The following KCNK5 variants were observed in gnomAD, a reference collection of about 807,000 sequenced individuals.
KCNK5 encodes the protein potassium channel subfamily K member 5.
A neutral mutation model predicts 32.9 loss-of-function variants in KCNK5; 18 were observed. That is an observed-to-expected ratio of 0.55 (90% CI 0.38 to 0.81). The LOEUF is 0.81. KCNK5 is among the 30% of genes least tolerant of loss of function. The pLI, the probability that KCNK5 is intolerant of heterozygous loss-of-function variation, is 0.00. For synonymous variants in KCNK5, 276 were observed against 275.3 expected (o/e 1.00, Z -0.03); for missense variants, 507 against 651.0 (o/e 0.78, Z 2.41).
rs939139362 is a variant in KCNK5 at position 39,190,721 on chromosome 6, G to A, written c.*169C>T. ...AGCTGGAGAACAGAGGCCCTGTCCC[G>A]GGCATACATCTAGCTGAGGATGATG... On this transcript the variant is annotated 3_prime_UTR_variant, in exon 5 of 5. Coordinates refer to ENST00000359534, the MANE Select transcript of KCNK5 (RefSeq NM_003740.4). 8.5e-6 allele frequency: 5 copies of A among 589,382 alleles called. No individual in the cohort carries two copies. The highest frequency in any genetic ancestry group is 3.0e-5 in the East Asian group (1 of 33,516). The allele number at this position is 589,382 out of a possible 1,614,324, so 36.5% of individuals were successfully genotyped here. A position where few individuals can be genotyped will look rare whatever the true frequency, so the allele number is the denominator to read the frequency against.
chr6:39,220,350 G>T (rs1771522931), intron 1 of KCNK5, among the ~76,000 whole-genome samples: 1 of 152,214 alleles, frequency 6.6e-6, no homozygotes. Context: ...TATTTAGATG[G>T]AGGAGAGGAA....
intron 2 of KCNK5, among the ~76,000 whole-genome samples, chr6:39,195,520 A>G (rs916004969): frequency 6.6e-6 from 1 of 152,238 alleles, no homozygotes; most frequent in African/African-American, 2.4e-5. Context: ...TTCTGAGCCA[A>G]ACTTCTGGAC....
chr6:39,203,764 C>A (rs1771172394), intron 1 of KCNK5, among the ~76,000 whole-genome samples: 1 of 152,254 alleles, frequency 6.6e-6, no homozygotes, highest in Non-Finnish European at 1.5e-5. Context: ...TTCTGTTGAC[C>A]TGGCACAACT....
chr6:39,194,450 T>C lies in KCNK5; in HGVS notation c.466-113A>G. ...GGAGAAGCTAGCTGGGTACCCAGCC[T>C]GACCCGGGAGGGCAAGGAGCTCTGA... On this transcript the variant is annotated intron_variant, in intron 3 of 4. Coordinates refer to ENST00000359534, the MANE Select transcript of KCNK5 (RefSeq NM_003740.4). This position sits in a 1 kb window ranked among gnomAD's most constrained non-coding sequence, Gnocchi z 4.7. 1 of 1,445,776 alleles carries C rather than the reference T, an allele frequency of 6.9e-7. No individual in the cohort carries two copies. Among genetic ancestry groups the C allele is most frequent in the South Asian group, 1.3e-5 (1 of 74,254 alleles). The allele number at this position is 1,445,776 out of a possible 1,614,324, so 89.6% of individuals were successfully genotyped here. A position where few individuals can be genotyped will look rare whatever the true frequency, so the allele number is the denominator to read the frequency against.
At chr6:39,223,284 T>C (rs1562059170) in intron 1 of KCNK5, among the ~76,000 whole-genome samples, 1 of 152,216 alleles carries the variant, frequency 6.6e-6, no homozygotes, top group East Asian at 1.9e-4. Context: ...TACTGCTTGG[T>C]TGGTGATTCC....
intron 1 of KCNK5, among the ~76,000 whole-genome samples, chr6:39,227,118 C>CG (rs1418965773): frequency 6.6e-6 from 1 of 151,806 alleles, no homozygotes; most frequent in Non-Finnish European, 1.5e-5. Context: ...CCGCCCCCCC[C>CG]GCCGTATGCC....
intron 1 of KCNK5, among the ~76,000 whole-genome samples, chr6:39,210,125 T>C (rs1771305818): frequency 6.6e-6 from 1 of 152,174 alleles, no homozygotes. Flanking sequence ...CTCACACAGC[T>C]GCATCCTGTC....
At chr6:39,205,434 A>G (rs1370420614) in intron 1 of KCNK5, among the ~76,000 whole-genome samples, 2 of 152,152 alleles carry the variant, frequency 1.3e-5, no homozygotes, top group Non-Finnish European at 2.9e-5. Context: ...AGGGAGGCTT[A>G]AATGACAAGA....
intron 1 of KCNK5, among the ~76,000 whole-genome samples, chr6:39,210,092 AG>A (rs1771305191): frequency 6.6e-6 from 1 of 152,176 alleles, no homozygotes; most frequent in Admixed American, 6.5e-5. Context: ...TTTCTAAGTC[AG>A]GCAGGGGAGC....
chr6:39,196,913 T>G (rs908351863), intron 1 of KCNK5, among the ~76,000 whole-genome samples: 7 of 152,192 alleles, frequency 4.6e-5, no homozygotes, highest in African/African-American at 1.7e-4. Flanking sequence ...ACTTATCTAC[T>G]CCTACAATAC....
rs769423069 is a variant in KCNK5, at chr6:39,194,559, C to G, written c.465+35G>C. 6.2e-7 allele frequency: 1 copy of G among 1,609,570 alleles called. No homozygotes were observed. Among genetic ancestry groups the G allele is most frequent in the Non-Finnish European group, 8.5e-7 (1 of 1,176,690 alleles). Reference sequence around the variant, plus strand: ...CCTCCCCTCACCTGTCATGGTTCCCCCATCTCTGCCCAACACCCAGGGTAG... The same window carrying G: ...CCTCCCCTCACCTGTCATGGTTCCCGCATCTCTGCCCAACACCCAGGGTAG... On this transcript the variant is annotated intron_variant, in intron 3 of 4. Transcript: ENST00000359534. The surrounding 1 kb of genome is among the most constrained non-coding windows in gnomAD (Gnocchi z 4.7).
chr6:39,228,565 G>A (rs1771713151), intron 1 of KCNK5, among the ~76,000 whole-genome samples: 1 of 152,164 alleles, frequency 6.6e-6, no homozygotes, highest in African/African-American at 2.4e-5. Context: ...CCCAGACTCC[G>A]GGAGCGTCTC....
intron 1 of KCNK5, among the ~76,000 whole-genome samples, chr6:39,209,575 C>T (rs1042990079): frequency 3.9e-5 from 6 of 152,192 alleles, no homozygotes; most frequent in African/African-American, 1.4e-4. Flanking sequence ...ACCTGGGGCC[C>T]AGGATGAGAG....
intron 1 of KCNK5, 27 bp from the exon 2 acceptor site, chr6:39,196,014 A>C (rs949398082): frequency 1.3e-6 from 2 of 1,532,928 alleles, no homozygotes; most frequent in African/African-American, 2.7e-5. Flanking sequence ...TAAAGGTCAG[A>C]GCTGAGGCCA....
At chr6:39,222,744 A>G (rs9471011) in intron 1 of KCNK5, among the ~76,000 whole-genome samples, 3,125 of 152,314 alleles carry the variant, frequency 0.021, 47 homozygotes, top group East Asian at 0.036. Flanking sequence ...TAATTGAGGA[A>G]ACTCCATACT....
chr6:39,217,174 T>C (rs566718003), intron 1 of KCNK5, among the ~76,000 whole-genome samples: 1 of 143,746 alleles, frequency 7.0e-6, no homozygotes, highest in East Asian at 2.0e-4. Context: ...TGGCTATTAG[T>C]GTGCAGGGGT....
chr6:39,195,605 G>A (rs531382270), intron 2 of KCNK5, among the ~76,000 whole-genome samples: 3 of 152,354 alleles, frequency 2.0e-5, no homozygotes, highest in East Asian at 3.9e-4. Flanking sequence ...TTTCTGCAAT[G>A]AGCAGTCTGG....
intron 1 of KCNK5, among the ~76,000 whole-genome samples, chr6:39,206,164 T>G (rs1029435832): frequency 6.6e-6 from 1 of 152,114 alleles, no homozygotes; most frequent in African/African-American, 2.4e-5. Flanking sequence ...GCAGAGCAGG[T>G]GAGGCCCTGT....
intron 1 of KCNK5, among the ~76,000 whole-genome samples, chr6:39,219,769 G>A (rs1771507522): frequency 6.6e-6 from 1 of 152,182 alleles, no homozygotes; most frequent in South Asian, 2.1e-4. Context: ...ACAACAAACT[G>A]AGCAAGACTG....
Sources: allele counts gnomAD v4.1 joint callset (sites outside exome capture counted in the v4.1 genomes callset), GRCh38; gene constraint gnomAD v4.1.1; non-coding constraint Gnocchi (gnomAD v3.1); transcripts MANE v1.5; gene names NCBI Gene and HGNC (gene_info 2026-07-23, HGNC 2026-07-21).